The following SAFB variants were observed in gnomAD, a reference collection of about 807,000 sequenced individuals.
SAFB encodes scaffold attachment factor B1.
In SAFB, 15 loss-of-function variants were observed where a neutral mutation model predicts 101.6. That is an observed-to-expected ratio of 0.15 (90% confidence interval 0.10 to 0.23). SAFB has a LOEUF of 0.23. Ranked by LOEUF, SAFB falls within the 10% of genes least tolerant of loss-of-function variation. The probability of loss-of-function intolerance (pLI) is 1.00; values close to 1 mark genes in which losing one functional copy is unlikely to be tolerated. For synonymous variants in SAFB, 449 were observed against 407.5 expected (o/e 1.10, Z -1.23); for missense variants, 930 against 1,104.1 (o/e 0.84, Z 2.23).
chr19:5,650,828 G>A, intron 8 of SAFB, 150 bp from the exon 9 acceptor site: 1 of 584,540 alleles, frequency 1.7e-6, no homozygotes, highest in South Asian at 2.3e-5. Context: ...TCTTGGTGAG[G>A]ATAGTGGTCA....
intron 5 of SAFB, among the ~76,000 whole-genome samples, 173 bp downstream of exon 5, chr19:5,645,572 G>T (rs987754592): frequency 6.6e-6 from 1 of 152,192 alleles, no homozygotes; most frequent in Non-Finnish European, 1.5e-5. Context: ...TATAATGTAC[G>T]CATTGCCAGG....
intron 2 of SAFB, among the ~76,000 whole-genome samples, chr19:5,640,458 C>T (rs1348039496): frequency 1.4e-5 from 2 of 143,900 alleles, no homozygotes; most frequent in African/African-American, 5.2e-5. Context: ...CTCTGCCTCC[C>T]GGATTCAAGC....
At chr19:5,625,871 G>A (rs746544475) in intron 1 of SAFB, among the ~76,000 whole-genome samples, 4 of 152,312 alleles carry the variant, frequency 2.6e-5, no homozygotes, top group Non-Finnish European at 4.4e-5. Flanking sequence ...GGTCTCGTGC[G>A]TAACACATAG....
rs774119125 is a variant in SAFB, at chr19:5,667,303, CCAGAGATGGGGGCAATCCAAAT to C, written c.2454-35_2454-14del. 9.9e-5 allele frequency: 138 copies of C among 1,398,242 alleles called. No homozygotes were observed. Among genetic ancestry groups the C allele is most frequent in the Non-Finnish European group, 1.2e-4 (125 of 1,044,962 alleles). The allele number at this position is 1,398,242 out of a possible 1,614,324, so 86.6% of individuals were successfully genotyped here. A position where few individuals can be genotyped will look rare whatever the true frequency, so the allele number is the denominator to read the frequency against. On this transcript the variant is annotated intron_variant, in intron 18 of 20. Coordinates refer to ENST00000588852, the MANE Select transcript of SAFB (RefSeq NM_001201338.2). The surrounding 1 kb of genome is among the most constrained non-coding windows in gnomAD (Gnocchi z 4.0). ...GCCGCCACAGTTATTAGCACAAGAG[CCAGAGATGGGGGCAATCCAAAT>C]CAGAGATGTCTCTCTTTCAAGGGGC...
At chr19:5,624,368 C>T (rs1013626615) in intron 1 of SAFB, among the ~76,000 whole-genome samples, 7 of 152,102 alleles carry the variant, frequency 4.6e-5, no homozygotes, top group Admixed American at 2.6e-4. Context: ...ATTCGCTTTT[C>T]CTCTCTGTGC....
intron 14 of SAFB, among the ~76,000 whole-genome samples, chr19:5,658,374 T>C (rs1292590831): frequency 6.6e-6 from 1 of 152,246 alleles, no homozygotes; most frequent in African/African-American, 2.4e-5. Context: ...ATTTATTTTT[T>C]CTATGAAATA....
chr19:5,654,037 A>G (rs779809223), intron 11 of SAFB, 24 bp from the exon 12 acceptor site: 10 of 1,612,628 alleles, frequency 6.2e-6, no homozygotes, highest in Non-Finnish European at 5.9e-6. Context: ...CACCACGCCC[A>G]GCCAACATGT....
At chr19:5,630,397 C>T in intron 2 of SAFB, among the ~76,000 whole-genome samples, 1 of 152,150 alleles carries the variant, frequency 6.6e-6, no homozygotes, top group East Asian at 1.9e-4. Context: ...TCTGATTCGA[C>T]TTGTGGTATT....
intron 17 of SAFB, chr19:5,664,679 T>A (rs1242573666): frequency 4.3e-6 from 2 of 468,178 alleles, no homozygotes; most frequent in Non-Finnish European, 7.9e-6. Context: ...TGGGGTTCTG[T>A]GTGCCACACT....
chr19:5,651,283 C>G (rs2053932690), intron 9 of SAFB, among the ~76,000 whole-genome samples: 1 of 152,224 alleles, frequency 6.6e-6, no homozygotes, highest in African/African-American at 2.4e-5. Context: ...TCCCTCCCTT[C>G]TCTGCGAGCT....
chr19:5,633,165 ATT>A (rs1463863343), intron 2 of SAFB, among the ~76,000 whole-genome samples: 4 of 151,942 alleles, frequency 2.6e-5, no homozygotes, highest in Non-Finnish European at 4.4e-5. Context: ...TAATTTTGTT[ATT>A]GTTTGTTTAT....
chr19:5,661,411 G>A, intron 14 of SAFB, 107 bp from the exon 15 acceptor site: 1 of 1,533,574 alleles, frequency 6.5e-7, no homozygotes, highest in Non-Finnish European at 8.8e-7. Context: ...ACCACGTAGT[G>A]GACGCACAGC....
intron 2 of SAFB, among the ~76,000 whole-genome samples, chr19:5,632,885 G>A (rs1333151781): frequency 1.3e-5 from 2 of 152,270 alleles, no homozygotes; most frequent in South Asian, 2.1e-4. Flanking sequence ...TTACAGACAT[G>A]AGCCACCACG....
At position 5,641,919 on chromosome 19, in the gene SAFB, G is replaced by C; in HGVS notation, c.519G>C (p.Glu173Asp). 2 of 1,614,200 alleles carry C rather than the reference G, an allele frequency of 1.2e-6. No homozygotes were observed. The highest frequency in any genetic ancestry group is 1.7e-6 in the Non-Finnish European group (2 of 1,180,026). The change falls in exon 4 of 21, where the codon GAG (glutamate) becomes GAC (aspartate). Residue 173 changes from glutamate to aspartate, a missense_variant. Transcript: ENST00000588852. ...SRELVEGEMK[E>D]LPEQLQEHAI... Reference sequence around the variant, plus strand: ...AGCTAGTCGAGGGGGAAATGAAAGAGCTTCCGGAGCAGCTTCAGGAACATG... The same window carrying C: ...AGCTAGTCGAGGGGGAAATGAAAGACCTTCCGGAGCAGCTTCAGGAACATG...
chr19:5,625,208 G>A (rs2053331319), intron 1 of SAFB, among the ~76,000 whole-genome samples: 1 of 152,140 alleles, frequency 6.6e-6, no homozygotes, highest in Non-Finnish European at 1.5e-5. Context: ...TCCTGTTGGT[G>A]TCCCTTTCTT....
chr19:5,653,859 C>T (rs918014726), intron 11 of SAFB, among the ~76,000 whole-genome samples: 2 of 151,678 alleles, frequency 1.3e-5, no homozygotes, highest in African/African-American at 4.8e-5. Context: ...CCTGGCTCAA[C>T]CAATTCTCAT....
chr19:5,648,864 C>T (rs2053879172), intron 6 of SAFB, 125 bp from the exon 7 acceptor site: 2 of 492,110 alleles, frequency 4.1e-6, no homozygotes, highest in African/African-American at 2.0e-5. Flanking sequence ...GCGGGTTTTC[C>T]AATCTCTGTG....
intron 2 of SAFB, among the ~76,000 whole-genome samples, chr19:5,638,689 CTTTT>C (rs151102746): frequency 8.5e-6 from 1 of 117,456 alleles, no homozygotes; most frequent in Admixed American, 8.1e-5. Context: ...TTTTTAGTTT[CTTTT>C]TTTTTATACT....
At chr19:5,663,945 GGGGCC>G in intron 15 of SAFB, 72 bp from the exon 16 acceptor site, 1 of 1,497,036 alleles carries the variant, frequency 6.7e-7, no homozygotes, top group South Asian at 1.2e-5. Context: ...TGAAGTGCTA[GGGGCC>G]AGCTCCCACA....
Sources: gnomAD v4.1 joint callset for allele counts (sites outside exome capture counted in the v4.1 genomes callset) on GRCh38, gnomAD v4.1.1 for gene constraint, Gnocchi (gnomAD v3.1) non-coding constraint, MANE v1.5 for transcripts, NCBI Gene and HGNC (gene_info 2026-07-23, HGNC 2026-07-21) for gene names.